CRTC1: variants seen among roughly 807,000 people sequenced by gnomAD.
CRTC1 encodes CREB-regulated transcription coactivator 1.
CRTC1 carries 18 observed loss-of-function variants against 66.1 expected under a neutral mutation model. The observed-to-expected ratio is 0.27, with a 90% CI of 0.19 to 0.40. The LOEUF is 0.40. Among genes scored for constraint, CRTC1 ranks in the 10% least tolerant of loss-of-function variants. CRTC1 has a pLI of 1.00. For missense variants in CRTC1, 669 were observed against 887.9 expected, an observed-to-expected ratio of 0.75 and a Z score of 3.13; for synonymous variants, 416 against 398.8, an observed-to-expected ratio of 1.04 and a Z score of -0.51.
intron 1 of CRTC1, among the ~76,000 whole-genome samples, chr19:18,693,123 G>C (rs2052889962): frequency 6.9e-6 from 1 of 144,922 alleles, no homozygotes; most frequent in Admixed American, 7.1e-5. Context: ...GGGTATGGTA[G>C]CTCACACCTG....
chr19:18,706,182 CTTTTTTTTTTTTTTTT>C (rs58104974), intron 1 of CRTC1, among the ~76,000 whole-genome samples: 35 of 18,716 alleles, frequency 1.9e-3, no homozygotes, highest in African/African-American at 5.1e-3. Flanking sequence ...TTCCATTGGT[CTTTTTTTTTTTTTTTT>C]TTTTTTTTTT....
At chr19:18,733,245 G>GC (rs2053928259) in intron 1 of CRTC1, among the ~76,000 whole-genome samples, 2 of 152,274 alleles carry the variant, frequency 1.3e-5, no homozygotes, top group East Asian at 3.9e-4. Flanking sequence ...CTGCTGCAAG[G>GC]CCCCACACAG....
intron 8 of CRTC1, among the ~76,000 whole-genome samples, chr19:18,764,581 G>A (rs905437237): frequency 2.6e-5 from 4 of 152,198 alleles, no homozygotes; most frequent in African/African-American, 4.8e-5. Flanking sequence ...CTTCGGGGCC[G>A]GGGTGAGGGA....
intron 1 of CRTC1, among the ~76,000 whole-genome samples, chr19:18,699,986 G>A (rs947632862): frequency 1.3e-5 from 2 of 152,120 alleles, no homozygotes; most frequent in African/African-American, 4.8e-5. Context: ...GACAGACTGA[G>A]CCTCATCTCG....
At chr19:18,687,729 T>C (rs2052718609) in intron 1 of CRTC1, among the ~76,000 whole-genome samples, 1 of 152,066 alleles carries the variant, frequency 6.6e-6, no homozygotes, top group African/African-American at 2.4e-5. Flanking sequence ...TGATGGCACC[T>C]GAGGTGTCTT....
chr19:18,736,759 G>GC (rs970969129), intron 1 of CRTC1, among the ~76,000 whole-genome samples: 6 of 150,248 alleles, frequency 4.0e-5, no homozygotes, highest in African/African-American at 1.3e-4. Flanking sequence ...TCCCTCCCTG[G>GC]CCCCCCCACA....
intron 1 of CRTC1, among the ~76,000 whole-genome samples, chr19:18,710,528 C>A (rs1034574857): frequency 3.3e-5 from 5 of 152,228 alleles, no homozygotes; most frequent in Non-Finnish European, 5.9e-5. Context: ...TGTTCCCTCC[C>A]ATGGGGGCTT....
chr19:18,745,932 C>G lies in CRTC1; in HGVS notation c.353C>G (p.Pro118Arg). 6.2e-7 allele frequency: 1 copy of G among 1,612,346 alleles called. No homozygotes were observed. Among genetic ancestry groups the G allele is most frequent in the East Asian group, 2.2e-5 (1 of 44,826 alleles). The change falls in exon 3 of 14, where the codon CCC (proline) becomes CGC (arginine). Residue 118 changes from proline (P) to arginine (R), a missense_variant. Physicochemically the swap from Pro to Arg is moderately radical, Grantham distance 103 (BLOSUM62 -2). This residue lies in a region of CRTC1 where 214 missense variants were observed against 323.4 expected (regional missense o/e 0.66). Coordinates refer to ENST00000321949, the MANE Select transcript of CRTC1 (RefSeq NM_015321.3). ...RGRLGSPHRR[P>R]LSVDKHGRQA... ...CGGCTCGGCTCCCCACACCGCCGGC[C>G]CCTGTCAGTGGACAAACACGGACGG...
At chr19:18,746,217 G>C (rs1481223136) in intron 3 of CRTC1, among the ~76,000 whole-genome samples, 1 of 152,174 alleles carries the variant, frequency 6.6e-6, no homozygotes, top group East Asian at 1.9e-4. Context: ...GGCAGGAGTT[G>C]AGGAAGGTTA....
intron 1 of CRTC1, among the ~76,000 whole-genome samples, chr19:18,699,783 G>A (rs868181387): frequency 2.0e-5 from 3 of 152,198 alleles, no homozygotes; most frequent in African/African-American, 7.2e-5. Context: ...CTGGGATGGG[G>A]AGGGTTTTGA....
rs367813046 is a variant in CRTC1, at chr19:18,749,144, C to T, written c.444-637C>T. 6.6e-5 allele frequency among the ~76,000 whole-genome samples: 10 copies of T among 152,166 alleles called. 1 individual carries two copies. The highest frequency in any genetic ancestry group is 5.9e-4 in the Admixed American group (9 of 15,264). Reference sequence around the variant, plus strand: ...ATCAGTTCCTAGAGGGAAATGCGGTCCCTGGAGGTAGAGGGAAGAGCCTCT... The same window carrying T: ...ATCAGTTCCTAGAGGGAAATGCGGTTCCTGGAGGTAGAGGGAAGAGCCTCT... On this transcript the variant is annotated intron_variant, in intron 4 of 13. Coordinates refer to ENST00000321949, the MANE Select transcript of CRTC1 (RefSeq NM_015321.3).
chr19:18,768,586 G>A lies in CRTC1; in HGVS notation c.1113G>A (p.Pro371=), dbSNP rs760215425. 101 of 1,560,934 alleles carry A rather than the reference G, an allele frequency of 6.5e-5. No individual in the cohort carries two copies. The Admixed American group carries it at 1.6e-3, about 25-fold the overall frequency. ...CACCGCCGCAGCCCCAGCCCCCGCC[G>A]CCTCCTCCACCCGCGTCCCAGCAGC... The part of the protein sequence containing the change: ...QQPPPQPQPP[P]PPPPASQQPP... Residue 371 remains proline (P), a synonymous_variant, in exon 10 of 14, where the codon CCG becomes CCA. Transcript: ENST00000321949. The surrounding 1 kb of genome is among the most constrained non-coding windows in gnomAD (Gnocchi z 5.6).
At chr19:18,726,649 T>C (rs11881199) in intron 1 of CRTC1, among the ~76,000 whole-genome samples, 89,904 of 152,132 alleles carry the variant, frequency 0.59, 27,470 homozygotes, top group East Asian at 0.82. Flanking sequence ...AGACAAAGGC[T>C]GGGCGTGGTG....
At chr19:18,706,549 T>G (rs1221556360) in intron 1 of CRTC1, among the ~76,000 whole-genome samples, 1 of 152,146 alleles carries the variant, frequency 6.6e-6, no homozygotes, top group East Asian at 1.9e-4. Flanking sequence ...ATCACACTCT[T>G]TTGATTACTG....
chr19:18,765,652 C>G (rs945950960), intron 9 of CRTC1, 124 bp downstream of exon 9: 1 of 939,582 alleles, frequency 1.1e-6, no homozygotes, highest in African/African-American at 1.7e-5. Flanking sequence ...GCTCCCAACA[C>G]TTTTAGTTTT....
rs1003771071 is a variant in CRTC1 at position 18,777,841 on chromosome 19, A to G, written c.*459A>G. On this transcript the variant is annotated 3_prime_UTR_variant, in exon 14 of 14. Transcript: ENST00000321949. This position sits in a 1 kb window ranked among gnomAD's most constrained non-coding sequence, Gnocchi z 5.5. ...TCCTTGGTTCCCGGTCCCCCAGCCC[A>G]TCCGCCATCCCCAGCCCGTGGTCAG... 3.4e-5 allele frequency: 10 copies of G among 292,834 alleles called. No homozygotes were observed. The highest frequency in any genetic ancestry group is 2.0e-4 in the African/African-American group (9 of 45,740). 18.1% of individuals were successfully genotyped at this position (292,834 alleles called of 1,614,324 possible). A position where few individuals can be genotyped will look rare whatever the true frequency, so the allele number is the denominator to read the frequency against.
At chr19:18,693,539 C>CT in intron 1 of CRTC1, among the ~76,000 whole-genome samples, 1 of 145,848 alleles carries the variant, frequency 6.9e-6, no homozygotes, top group African/African-American at 2.6e-5. Context: ...TAGAGTGCAG[C>CT]GGTGTGATCT....
chr19:18,704,476 C>T (rs2053216172), intron 1 of CRTC1, among the ~76,000 whole-genome samples: 1 of 152,132 alleles, frequency 6.6e-6, no homozygotes, highest in Non-Finnish European at 1.5e-5. Context: ...CTTTGGGAGA[C>T]TGAAGCAGGT....
chr19:18,708,141 A>G (rs2053306879), intron 1 of CRTC1, among the ~76,000 whole-genome samples: 1 of 152,138 alleles, frequency 6.6e-6, no homozygotes, highest in Admixed American at 6.5e-5. Context: ...GTGGAGGAGA[A>G]ACAGCATATA....
Sources: gnomAD v4.1 joint callset for allele counts (sites outside exome capture counted in the v4.1 genomes callset) on GRCh38, gnomAD v4.1.1 for gene constraint, gnomAD v4.1.1 regional missense constraint, Gnocchi (gnomAD v3.1) non-coding constraint, MANE v1.5 for transcripts, NCBI Gene and HGNC (gene_info 2026-07-23, HGNC 2026-07-21) for gene names.